The following DEGS2 variants were observed in gnomAD, a reference collection of about 807,000 sequenced individuals.
The protein encoded by DEGS2 is sphingolipid delta(4)-desaturase/C4-monooxygenase DES2.
In DEGS2, 19 loss-of-function variants were observed where a neutral mutation model predicts 23.8. That is an observed-to-expected ratio of 0.80 (90% CI 0.56 to 1.17). The LOEUF (loss-of-function observed/expected upper bound fraction) is 1.17, where lower values mean the gene tolerates loss of function less well. Among genes scored for constraint, DEGS2 ranks in the 50% most tolerant of loss-of-function variants. The pLI is 0.00. For synonymous variants in DEGS2, 218 were observed against 213.7 expected, an observed-to-expected ratio of 1.02 and a Z score of -0.18; for missense variants, 390 against 459.5, an observed-to-expected ratio of 0.85 and a Z score of 1.38.
chr14:100,164,029 A>G (rs1258349870), upstream of DEGS2, among the ~76,000 whole-genome samples: 1 of 152,174 alleles, frequency 6.6e-6, no homozygotes, highest in East Asian at 1.9e-4. Flanking sequence ...CAGCCGGGAC[A>G]ACATGGCAAA....
chr14:100,154,906 T>C (rs1185421287), intron 1 of DEGS2, among the ~76,000 whole-genome samples: 1 of 152,164 alleles, frequency 6.6e-6, no homozygotes, highest in African/African-American at 2.4e-5. Context: ...CCCTCCTGAC[T>C]AGCTGGCAAT....
At chr14:100,158,943 G>C (rs916543216) in intron 1 of DEGS2, among the ~76,000 whole-genome samples, 1 of 152,228 alleles carries the variant, frequency 6.6e-6, no homozygotes, top group Non-Finnish European at 1.5e-5. Context: ...CAGAATAGAA[G>C]GATTCTTTAG....
intron 1 of DEGS2, among the ~76,000 whole-genome samples, chr14:100,158,380 T>C (rs1889692692): frequency 1.3e-5 from 2 of 151,792 alleles, no homozygotes; most frequent in South Asian, 2.1e-4. Flanking sequence ...CTAGCCAACA[T>C]GGTGAAACTC....
intron 2 of DEGS2, 128 bp from the exon 3 acceptor site, chr14:100,147,035 G>A (rs745741632): frequency 2.8e-5 from 31 of 1,096,246 alleles, no homozygotes; most frequent in Admixed American, 2.5e-4. Context: ...ATGTTTGCGC[G>A]CGCGCACACC....
At chr14:100,147,661 C>CT (rs1466796201) in intron 2 of DEGS2, among the ~76,000 whole-genome samples, 2 of 140,102 alleles carry the variant, frequency 1.4e-5, no homozygotes, top group Middle Eastern at 3.7e-3. Context: ...CCTCCCTGCC[C>CT]CCCCCCCCCA....
At chr14:100,162,430 C>T (rs1889760416), upstream of DEGS2, among the ~76,000 whole-genome samples, 1 of 151,974 alleles carries the variant, frequency 6.6e-6, no homozygotes, top group South Asian at 2.1e-4. Context: ...TGCAGTGGCT[C>T]ACACCTGTAA....
Position 100,147,005 on chromosome 14 carries a change from A to G in DEGS2, c.826-98T>C, listed in dbSNP as rs938012106. On this transcript the variant is annotated intron_variant, in intron 2 of 2. Coordinates refer to ENST00000305631, the MANE Select transcript of DEGS2 (RefSeq NM_206918.3). The stretch of plus-strand genomic sequence containing the variant: ...CTGAGCACACGCGGTGGGCATGCAC[A>G]TGCATATTCATGTACGAACATGTTT... 4 of 1,389,160 alleles carry G rather than the reference A, an allele frequency of 2.9e-6. No individual in the cohort carries two copies. In the African/African-American group the frequency reaches 4.3e-5, roughly 15 times the overall value. The allele number at this position is 1,389,160 out of a possible 1,614,324, so 86.1% of individuals were successfully genotyped here. A position where few individuals can be genotyped will look rare whatever the true frequency, so the allele number is the denominator to read the frequency against.
the DEGS2 span, among the ~76,000 whole-genome samples, chr14:100,165,642 C>T: frequency 3.3e-5 from 5 of 152,160 alleles, no homozygotes; most frequent in Non-Finnish European, 5.9e-5. Context: ...GACGCCTCTC[C>T]GCTCCGAACT....
intron 1 of DEGS2, among the ~76,000 whole-genome samples, chr14:100,158,779 C>A (rs1889700920): frequency 6.6e-6 from 1 of 152,134 alleles, no homozygotes; most frequent in Non-Finnish European, 1.5e-5. Context: ...ACCCCGTAAG[C>A]CCGGGCCAAG....
chr14:100,161,072 G>A (rs1175224792), upstream of DEGS2, among the ~76,000 whole-genome samples: 1 of 152,236 alleles, frequency 6.6e-6, no homozygotes, highest in Non-Finnish European at 1.5e-5. Flanking sequence ...CAGAGATGAG[G>A]AGCGCCTTGC....
At chr14:100,165,445 C>T in the DEGS2 span, among the ~76,000 whole-genome samples, 3 of 152,260 alleles carry the variant, frequency 2.0e-5, no homozygotes, top group Non-Finnish European at 4.4e-5. Context: ...CTGTGAGTGA[C>T]AAACCATCTT....
upstream of DEGS2, among the ~76,000 whole-genome samples, chr14:100,161,548 T>A (rs1381844158): frequency 6.6e-6 from 1 of 152,148 alleles, no homozygotes; most frequent in African/African-American, 2.4e-5. Flanking sequence ...GTTTGTAATG[T>A]GGTGTCTTGA....
chr14:100,148,881 AT>A lies in DEGS2; in HGVS notation c.825+86del, dbSNP rs1889506426. ...CACAAAAAGGGAGAGGCTGCTGGGC[AT>A]GGCCCAAGGCCCTTCCAGGGCCCCC... On this transcript the variant is annotated intron_variant, in intron 2 of 2. Transcript: ENST00000305631. 3 of 1,442,140 alleles carry A rather than the reference AT, an allele frequency of 2.1e-6. No homozygotes were observed. The African/African-American group carries it at 4.3e-5, about 21-fold the overall frequency. The allele number at this position is 1,442,140 out of a possible 1,614,324, so 89.3% of individuals were successfully genotyped here.
At chr14:100,159,227 G>A (rs898284933) in intron 1 of DEGS2, among the ~76,000 whole-genome samples, 1 of 152,170 alleles carries the variant, frequency 6.6e-6, no homozygotes, top group Admixed American at 6.5e-5. Context: ...CCTGGCCCCG[G>A]GAGTGGCTCG....
In DEGS2 at chr14:100,159,548, A is replaced by G. The variant is rs1290168464; in HGVS notation, c.40T>C (p.Tyr14His). The change falls in exon 1 of 3, where the codon TAC becomes CAC. Residue 14 changes from tyrosine to histidine, a missense_variant. Transcript: ENST00000305631. ...SASRSDFEWV[Y>H]TDQPHTQRRK... Reference sequence around the variant, plus strand: ...CGCTGCGTGTGCGGCTGGTCGGTGTAGACCCACTCGAAGTCGCTGCGGCTC... The same window carrying G: ...CGCTGCGTGTGCGGCTGGTCGGTGTGGACCCACTCGAAGTCGCTGCGGCTC... The G allele has an allele frequency of 1.3e-6, 2 of 1,509,530 alleles. No homozygotes were observed. Among genetic ancestry groups the G allele is most frequent in the Non-Finnish European group, 1.8e-6 (2 of 1,130,768 alleles). The allele number at this position is 1,509,530 out of a possible 1,614,324, so 93.5% of individuals were successfully genotyped here.
Position 100,144,839 on chromosome 14 carries a change from A to C in DEGS2, c.*1922T>G, listed in dbSNP as rs929301923. 2.6e-5 allele frequency: 4 copies of C among 152,232 alleles called. No individual in the cohort carries two copies. The highest frequency in any genetic ancestry group is 9.6e-5 in the African/African-American group (4 of 41,456). The allele number at this position is 152,232 out of a possible 1,614,324, so 9.4% of individuals were successfully genotyped here. A position where few individuals can be genotyped will look rare whatever the true frequency, so the allele number is the denominator to read the frequency against. ...GTGTGCCCAGCAGCCCCCAAGGGCC[A>C]TGGCAGGGGAGGGAGCCGGCACTGC... is the stretch of plus-strand genomic sequence containing the variant. On this transcript the variant is annotated 3_prime_UTR_variant, in exon 3 of 3. Transcript: ENST00000305631.
chr14:100,159,559 A>C lies in DEGS2; in HGVS notation c.29T>G (p.Phe10Cys), dbSNP rs1202714563. MGNSASRSDFEWVYTDQPHT... is the reference protein window; with the variant it reads MGNSASRSDCEWVYTDQPHT... ...CGGCTGGTCGGTGTAGACCCACTCG[A>C]AGTCGCTGCGGCTCGCGCTGTTGCC... Residue 10 changes from phenylalanine (F) to cysteine (C), a missense_variant, in exon 1 of 3, where the codon TTC (phenylalanine) becomes TGC (cysteine). Coordinates refer to ENST00000305631, the MANE Select transcript of DEGS2 (RefSeq NM_206918.3). 7.3e-6 allele frequency: 11 copies of C among 1,506,116 alleles called. No homozygotes were observed. The highest frequency in any genetic ancestry group is 8.0e-6 in the Non-Finnish European group (9 of 1,128,928). 93.3% of individuals were successfully genotyped at this position (1,506,116 alleles called of 1,614,324 possible). A position where few individuals can be genotyped will look rare whatever the true frequency, so the allele number is the denominator to read the frequency against.
intron 2 of DEGS2, among the ~76,000 whole-genome samples, chr14:100,148,466 C>A (rs992815938): frequency 6.6e-6 from 1 of 152,230 alleles, no homozygotes; most frequent in African/African-American, 2.4e-5. Flanking sequence ...TTCAGAAATT[C>A]TCCAGCTCCC....
upstream of DEGS2, among the ~76,000 whole-genome samples, chr14:100,163,793 C>T (rs1271883105): frequency 6.6e-6 from 1 of 152,206 alleles, no homozygotes; most frequent in Admixed American, 6.5e-5. Flanking sequence ...AGTCTCAGCT[C>T]ACTGCAACCT....
Sources: allele counts gnomAD v4.1 joint callset (sites outside exome capture counted in the v4.1 genomes callset), GRCh38; gene constraint gnomAD v4.1.1; transcripts MANE v1.5; gene names NCBI Gene and HGNC (gene_info 2026-07-23, HGNC 2026-07-21).